SNX4: variants seen among roughly 807,000 people sequenced by gnomAD.
SNX4 encodes the protein sorting nexin 4, also known as sorting nexin-4.
A neutral mutation model predicts 70.8 loss-of-function variants in SNX4; 49 were observed. The ratio of observed to expected loss-of-function variants is 0.69; its 90% CI spans 0.55 to 0.88. The LOEUF is 0.88. Among genes scored for constraint, SNX4 ranks in the 40% least tolerant of loss-of-function variants. The pLI, the probability that SNX4 is intolerant of heterozygous loss-of-function variation, is 0.00. For missense variants in SNX4, 528 were observed against 544.8 expected (o/e 0.97, Z 0.31); for synonymous variants, 206 against 183.8 (o/e 1.12, Z -0.98).
At chr3:125,458,702 TACGC>T (rs1360090378) in intron 10 of SNX4, among the ~76,000 whole-genome samples, 3 of 149,508 alleles carry the variant, frequency 2.0e-5, no homozygotes, top group African/African-American at 7.4e-5. Context: ...TACTCCCAGC[TACGC>T]GGGAGGCTGA....
chr3:125,466,056 T>C (rs1416849662), intron 9 of SNX4, among the ~76,000 whole-genome samples: 3 of 151,768 alleles, frequency 2.0e-5, no homozygotes, highest in East Asian at 3.8e-4. Flanking sequence ...CTCTCAGCAA[T>C]GTTTTATGTA....
intron 10 of SNX4, 125 bp from the exon 11 acceptor site, chr3:125,457,490 A>T (rs555796786): frequency 4.4e-6 from 3 of 689,410 alleles, no homozygotes; most frequent in Admixed American, 2.5e-5. Context: ...CAGAATTTTC[A>T]AGTTTAAAAT....
At chr3:125,463,454 G>A (rs998463195) in intron 9 of SNX4, among the ~76,000 whole-genome samples, 12 of 152,156 alleles carry the variant, frequency 7.9e-5, no homozygotes, top group Admixed American at 2.0e-4. Context: ...TTAGATCTCA[G>A]TACTCAGAAT....
intron 8 of SNX4, among the ~76,000 whole-genome samples, chr3:125,476,078 C>T (rs547448507): frequency 2.6e-5 from 4 of 151,576 alleles, no homozygotes; most frequent in African/African-American, 9.7e-5. Flanking sequence ...CCAGCCTGGT[C>T]AACATGGTGA....
intron 1 of SNX4, among the ~76,000 whole-genome samples, chr3:125,516,726 A>G (rs1935291925): frequency 6.6e-6 from 1 of 152,204 alleles, no homozygotes; most frequent in African/African-American, 2.4e-5. Flanking sequence ...CTTTAACCAC[A>G]GCTACTCGGG....
intron 1 of SNX4, chr3:125,517,004 C>T (rs1259283472): frequency 1.3e-5 from 1 of 76,516 alleles, no homozygotes; most frequent in Non-Finnish European, 2.8e-5. Flanking sequence ...AGTAAGTTAT[C>T]TCAATTTCAC....
chr3:125,460,136 G>C (rs913151756), intron 10 of SNX4, among the ~76,000 whole-genome samples: 1 of 149,926 alleles, frequency 6.7e-6, no homozygotes, highest in Non-Finnish European at 1.5e-5. Context: ...GGAGGTTGCA[G>C]TGAGCCGAGA....
intron 6 of SNX4, among the ~76,000 whole-genome samples, chr3:125,483,512 C>G (rs1934461577): frequency 1.3e-5 from 2 of 152,142 alleles, no homozygotes; most frequent in Non-Finnish European, 2.9e-5. Flanking sequence ...CCTCAGAATA[C>G]TTAAATTAGG....
chr3:125,474,021 T>TGA (rs985790861), intron 8 of SNX4, among the ~76,000 whole-genome samples: 3 of 152,212 alleles, frequency 2.0e-5, no homozygotes, highest in African/African-American at 7.2e-5. Flanking sequence ...TTTATCCACA[T>TGA]GAGAACCCTC....
chr3:125,480,324 A>C lies in SNX4; in HGVS notation c.654-5T>G. The stretch of plus-strand genomic sequence containing the variant: ...TGCTTAAGGTCAGTAAATCTCCTGA[A>C]ACAGGAAACAAATAAAACATCGTTT... On this transcript the variant is annotated splice_polypyrimidine_tract_variant and splice_region_variant and intron_variant, in intron 6 of 13. Coordinates refer to ENST00000251775, the MANE Select transcript of SNX4 (RefSeq NM_003794.4). 1 of 1,498,492 alleles carries C rather than the reference A, an allele frequency of 6.7e-7. No individual in the cohort carries two copies. The highest frequency in any genetic ancestry group is 9.0e-7 in the Non-Finnish European group (1 of 1,115,794). The allele number at this position is 1,498,492 out of a possible 1,614,324, so 92.8% of individuals were successfully genotyped here.
At chr3:125,491,100 C>G (rs1459545124) in intron 5 of SNX4, among the ~76,000 whole-genome samples, 1 of 152,134 alleles carries the variant, frequency 6.6e-6, no homozygotes, top group African/African-American at 2.4e-5. Flanking sequence ...AAAGGGCTAT[C>G]TAAAGAATAT....
intron 6 of SNX4, among the ~76,000 whole-genome samples, chr3:125,482,860 T>A (rs946144703): frequency 1.3e-5 from 2 of 151,754 alleles, no homozygotes; most frequent in Non-Finnish European, 2.9e-5. Flanking sequence ...GATAAAAGAG[T>A]TGGCAAGATT....
chr3:125,515,564 C>T (rs1264331063), intron 1 of SNX4, among the ~76,000 whole-genome samples: 1 of 149,550 alleles, frequency 6.7e-6, no homozygotes, highest in Non-Finnish European at 1.5e-5. Flanking sequence ...ACTCCAGAGG[C>T]TGAGGTGGGA....
rs755489010 is a variant in SNX4 at position 125,460,786 on chromosome 3, T to TA, written c.928dup (p.Tyr310LeufsTer13). 20 of 1,551,464 alleles carry TA rather than the reference T, an allele frequency of 1.3e-5. No individual in the cohort carries two copies. Among genetic ancestry groups the TA allele is most frequent in the Non-Finnish European group, 1.7e-5 (19 of 1,144,910 alleles). On this transcript the variant is annotated frameshift_variant, in exon 10 of 14. Transcript: ENST00000251775. LOFTEE classifies it high-confidence loss of function. ...TTAAACTTACCGCAATGCTTCTGCATAAAAAAGATACTCTTTTAACTGATC... is the reference window on the plus strand; with the variant it reads ...TTAAACTTACCGCAATGCTTCTGCATAAAAAAAGATACTCTTTTAACTGATC...
At chr3:125,492,011 G>C (rs1934671149) in intron 5 of SNX4, among the ~76,000 whole-genome samples, 1 of 149,906 alleles carries the variant, frequency 6.7e-6, no homozygotes, top group Non-Finnish European at 1.5e-5. Flanking sequence ...AGGAGGCTGA[G>C]GCAGGAGAAT....
chr3:125,476,819 G>A, intron 7 of SNX4, 63 bp from the exon 8 acceptor site: 4 of 982,426 alleles, frequency 4.1e-6, no homozygotes, highest in Middle Eastern at 2.3e-4. Context: ...CTAAAAAATA[G>A]ACCCAAAAAA....
chr3:125,503,022 T>C (rs779492176), intron 2 of SNX4, among the ~76,000 whole-genome samples: 8 of 151,360 alleles, frequency 5.3e-5, no homozygotes, highest in Non-Finnish European at 1.2e-4. Flanking sequence ...CAGGTTCAAG[T>C]GATTCTCCTG....
At chr3:125,459,707 G>C (rs996990139) in intron 10 of SNX4, among the ~76,000 whole-genome samples, 3 of 152,026 alleles carry the variant, frequency 2.0e-5, no homozygotes, top group African/African-American at 7.2e-5. Flanking sequence ...CCAAAGTGCT[G>C]GGATTCAGGC....
chr3:125,506,547 C>T (rs1935047319), intron 1 of SNX4, among the ~76,000 whole-genome samples: 1 of 148,458 alleles, frequency 6.7e-6, no homozygotes, highest in Non-Finnish European at 1.5e-5. Context: ...TGCTCTATCG[C>T]CAGGTCGGAG....
Sources: allele counts gnomAD v4.1 joint callset (sites outside exome capture counted in the v4.1 genomes callset), GRCh38; gene constraint gnomAD v4.1.1; transcripts MANE v1.5; gene names NCBI Gene and HGNC (gene_info 2026-07-23, HGNC 2026-07-21).